SLC49A4: variants seen among roughly 807,000 people sequenced by gnomAD.
SLC49A4 encodes the protein disrupted in renal cancer protein 2.
SLC49A4 carries 36 observed loss-of-function variants against 50.6 expected under a neutral mutation model. The ratio of observed to expected loss-of-function variants is 0.71; its 90% CI spans 0.55 to 0.94. The LOEUF (loss-of-function observed/expected upper bound fraction) is 0.94, where lower values mean the gene tolerates loss of function less well. Ranked by LOEUF, SLC49A4 falls within the 40% of genes least tolerant of loss-of-function variation. The probability of loss-of-function intolerance (pLI) is 0.00; values close to 1 mark genes in which losing one functional copy is unlikely to be tolerated. For missense variants in SLC49A4, 503 were observed against 605.7 expected (o/e 0.83, Z 1.78); for synonymous variants, 248 against 241.2 (o/e 1.03, Z -0.26).
intron 2 of SLC49A4, among the ~76,000 whole-genome samples, chr3:122,809,054 T>A (rs1936262448): frequency 6.6e-6 from 1 of 152,150 alleles, no homozygotes; most frequent in Admixed American, 6.5e-5. Context: ...AATTGTTGAT[T>A]CCATTAACAG....
intron 4 of SLC49A4, among the ~76,000 whole-genome samples, chr3:122,841,561 A>G (rs1246030987): frequency 6.6e-6 from 1 of 152,234 alleles, no homozygotes; most frequent in Non-Finnish European, 1.5e-5. Flanking sequence ...TTTAATGGAA[A>G]AGTAACTTTC....
At chr3:122,872,181 A>G (rs927646084) in intron 7 of SLC49A4, among the ~76,000 whole-genome samples, 3 of 152,200 alleles carry the variant, frequency 2.0e-5, no homozygotes, top group Non-Finnish European at 2.9e-5. Flanking sequence ...AATCCACCAG[A>G]AAGGTAAAGG....
chr3:122,856,515 C>CAA, intron 6 of SLC49A4, 141 bp downstream of exon 6: 1 of 757,256 alleles, frequency 1.3e-6, no homozygotes, highest in Non-Finnish European at 2.2e-6. Flanking sequence ...GTTCAGAGTA[C>CAA]AAGAAAATTC....
chr3:122,846,172 T>C (rs1936846605), intron 5 of SLC49A4, among the ~76,000 whole-genome samples: 1 of 152,232 alleles, frequency 6.6e-6, no homozygotes, highest in Admixed American at 6.5e-5. Flanking sequence ...TCGTACCTTA[T>C]AAAGAAGATT....
chr3:122,812,987 C>G lies in SLC49A4; in HGVS notation c.437+6037C>G, dbSNP rs557249339. 3.9e-5 allele frequency among the ~76,000 whole-genome samples: 6 copies of G among 152,260 alleles called. No individual in the cohort carries two copies. The East Asian group carries it at 5.8e-4, about 15-fold the overall frequency. Reference sequence around the variant, plus strand: ...AGGTGTGTAAAGGCAGGGCGTGATGCCTTTATAATCCCAGTACTTTGGGAG... The same window carrying G: ...AGGTGTGTAAAGGCAGGGCGTGATGGCTTTATAATCCCAGTACTTTGGGAG... On this transcript the variant is annotated intron_variant, in intron 2 of 8. Transcript: ENST00000261038.
intron 5 of SLC49A4, among the ~76,000 whole-genome samples, chr3:122,851,974 A>G (rs1192863916): frequency 6.7e-6 from 1 of 148,256 alleles, no homozygotes; most frequent in Non-Finnish European, 1.5e-5. Flanking sequence ...TTTACATTTT[A>G]TAAAATTTAT....
chr3:122,795,653 TAG>T, intron 1 of SLC49A4, 118 bp downstream of exon 1: 1 of 1,442,064 alleles, frequency 6.9e-7, no homozygotes, highest in Non-Finnish European at 9.0e-7. Flanking sequence ...TGTGAGGTGA[TAG>T]AGTGTTGCTA....
intron 5 of SLC49A4, among the ~76,000 whole-genome samples, chr3:122,849,073 A>G (rs1428638858): frequency 2.6e-5 from 4 of 152,148 alleles, no homozygotes; most frequent in Non-Finnish European, 5.9e-5. Context: ...TTGTCTTTCT[A>G]TACCTGGCTT....
chr3:122,802,152 AT>A (rs1196017285), intron 1 of SLC49A4, among the ~76,000 whole-genome samples: 4 of 152,134 alleles, frequency 2.6e-5, no homozygotes, highest in African/African-American at 9.7e-5. Flanking sequence ...TCTCTAAAAA[AT>A]AATAATAAAT....
rs111930650 is a variant in SLC49A4, at chr3:122,866,950, T to G, written c.1139-5465T>G. Among the ~76,000 whole-genome samples, 584 of 152,294 alleles carry G rather than the reference T, an allele frequency of 3.8e-3. 3 individuals are homozygous for G. Among genetic ancestry groups the G allele is most frequent in the African/African-American group, 0.012 (508 of 41,558 alleles). ...ATAATTATCATCTTAACACTGTGCATATAAATGGTTGCTGGGGCAGCAGGT... is the reference window on the plus strand; with the variant it reads ...ATAATTATCATCTTAACACTGTGCAGATAAATGGTTGCTGGGGCAGCAGGT... On this transcript the variant is annotated intron_variant, in intron 7 of 8. Coordinates refer to ENST00000261038, the MANE Select transcript of SLC49A4 (RefSeq NM_032839.3).
chr3:122,796,783 T>G (rs936380914), intron 1 of SLC49A4, among the ~76,000 whole-genome samples: 3 of 152,070 alleles, frequency 2.0e-5, no homozygotes, highest in African/African-American at 4.8e-5. Context: ...GTTGGGAGGC[T>G]GGGGTGGGAG....
At chr3:122,807,869 T>C (rs1358985008) in intron 2 of SLC49A4, among the ~76,000 whole-genome samples, 1 of 152,226 alleles carries the variant, frequency 6.6e-6, no homozygotes, top group Admixed American at 6.5e-5. Context: ...CTTTACTCAC[T>C]GGATAGTGGA....
chr3:122,850,346 G>T (rs1320661088), intron 5 of SLC49A4, among the ~76,000 whole-genome samples: 2 of 152,154 alleles, frequency 1.3e-5, no homozygotes, highest in African/African-American at 4.8e-5. Context: ...GATGTCTTTT[G>T]TCGCCAAAGT....
rs939498962 is a variant in SLC49A4 at position 122,880,156 on chromosome 3, A to G, written c.*778A>G. On this transcript the variant is annotated 3_prime_UTR_variant, in exon 9 of 9. Coordinates refer to ENST00000261038, the MANE Select transcript of SLC49A4 (RefSeq NM_032839.3). ...CCATTAGGATCTAGCACTTTGTTAC[A>G]AGTGAAATGACAAGTCACATGGACA... The G allele has an allele frequency of 6.6e-6, 1 of 152,242 alleles. No homozygotes were observed. Among genetic ancestry groups the G allele is most frequent in the Non-Finnish European group, 1.5e-5 (1 of 68,038 alleles). The allele number at this position is 152,242 out of a possible 1,614,324, so 9.4% of individuals were successfully genotyped here.
chr3:122,853,040 A>G (rs1371307991), intron 5 of SLC49A4, among the ~76,000 whole-genome samples: 1 of 152,200 alleles, frequency 6.6e-6, no homozygotes, highest in East Asian at 1.9e-4. Flanking sequence ...CTTCCACAAC[A>G]AAATACTTTA....
At chr3:122,814,823 C>T (rs1400263182) in intron 2 of SLC49A4, among the ~76,000 whole-genome samples, 1 of 151,432 alleles carries the variant, frequency 6.6e-6, no homozygotes, top group Non-Finnish European at 1.5e-5. Flanking sequence ...CATCAGCTGT[C>T]ATTCGTGTTA....
chr3:122,853,784 T>TA (rs1478579052), intron 5 of SLC49A4, among the ~76,000 whole-genome samples: 1 of 152,136 alleles, frequency 6.6e-6, no homozygotes, highest in African/African-American at 2.4e-5. Flanking sequence ...TGATATTGAT[T>TA]TGGCAGATCT....
chr3:122,827,477 C>T (rs1356582793), intron 3 of SLC49A4, among the ~76,000 whole-genome samples: 1 of 152,202 alleles, frequency 6.6e-6, no homozygotes, highest in Non-Finnish European at 1.5e-5. Context: ...CATTATTAGC[C>T]ATGTTCTGTA....
At chr3:122,847,019 G>C (rs1317253723) in intron 5 of SLC49A4, among the ~76,000 whole-genome samples, 2 of 152,192 alleles carry the variant, frequency 1.3e-5, no homozygotes, top group Non-Finnish European at 2.9e-5. Flanking sequence ...AAAGATAGAA[G>C]ACGTCAAGAT....
Sources: gnomAD v4.1 joint callset for allele counts (sites outside exome capture counted in the v4.1 genomes callset) on GRCh38, gnomAD v4.1.1 for gene constraint, MANE v1.5 for transcripts, NCBI Gene and HGNC (gene_info 2026-07-23, HGNC 2026-07-21) for gene names.